NFIC: variants seen among roughly 807,000 people sequenced by gnomAD.
The protein encoded by NFIC is nuclear factor 1 C-type.
A neutral mutation model predicts 54.4 loss-of-function variants in NFIC; 12 were observed. The observed-to-expected ratio is 0.22, with a 90% CI of 0.14 to 0.36. NFIC has a LOEUF of 0.36. Ranked by LOEUF, NFIC falls within the 10% of genes least tolerant of loss-of-function variation. The probability of loss-of-function intolerance (pLI) is 1.00; values close to 1 mark genes in which losing one functional copy is unlikely to be tolerated. For synonymous variants in NFIC, 322 were observed against 319.2 expected (o/e 1.01, Z -0.09); for missense variants, 575 against 718.2 (o/e 0.80, Z 2.28).
chr19:3,387,580 G>T (rs1185489848), intron 2 of NFIC, among the ~76,000 whole-genome samples: 5 of 152,124 alleles, frequency 3.3e-5, no homozygotes, highest in Non-Finnish European at 5.9e-5. Flanking sequence ...AGGGGGGCTG[G>T]GGGCCACTCT....
intron 6 of NFIC, among the ~76,000 whole-genome samples, 169 bp from the exon 7 acceptor site, chr19:3,448,845 C>T (rs891946302): frequency 3.9e-5 from 6 of 152,170 alleles, no homozygotes; most frequent in Admixed American, 2.0e-4. Flanking sequence ...TCTGAGCCTT[C>T]GTTTACTCCT....
At chr19:3,421,580 C>G (rs1437035126) in intron 2 of NFIC, among the ~76,000 whole-genome samples, 1 of 152,238 alleles carries the variant, frequency 6.6e-6, no homozygotes, top group Non-Finnish European at 1.5e-5. Flanking sequence ...CTCGTCTGCT[C>G]CTCTGTTTCC....
chr19:3,382,277 G>A (rs1332907803), intron 2 of NFIC, 34 bp downstream of exon 2: 14 of 1,580,058 alleles, frequency 8.9e-6, no homozygotes, highest in East Asian at 2.2e-5. Flanking sequence ...AGCGGCCAGC[G>A]GGGAGGGTGT....
At chr19:3,449,759 C>CAAAA (rs57195995) in intron 7 of NFIC, among the ~76,000 whole-genome samples, 3 of 88,692 alleles carry the variant, frequency 3.4e-5, no homozygotes, top group African/African-American at 1.2e-4. Context: ...GATTCCATCT[C>CAAAA]AAAAAAAAAA....
At chr19:3,422,362 C>A (rs762891562) in intron 2 of NFIC, among the ~76,000 whole-genome samples, 6 of 151,770 alleles carry the variant, frequency 4.0e-5, no homozygotes, top group Non-Finnish European at 7.4e-5. Flanking sequence ...GCGTGAGCCA[C>A]TGTGCCACTG....
rs1411351844 is a variant in NFIC, at chr19:3,453,741, A to G, written c.1270-22A>G. On this transcript the variant is annotated intron_variant, in intron 8 of 10. Coordinates refer to ENST00000443272, the MANE Select transcript of NFIC (RefSeq NM_001245002.2). This position sits in a 1 kb window ranked among gnomAD's most constrained non-coding sequence, Gnocchi z 6.7. ...TAGAGGGGGAGCCCACCCCTTAACCACGTGTCTCTCTGTTCCCCCAGTTAA... is the reference window on the plus strand; with the variant it reads ...TAGAGGGGGAGCCCACCCCTTAACCGCGTGTCTCTCTGTTCCCCCAGTTAA... 2.5e-6 allele frequency: 4 copies of G among 1,593,428 alleles called. No individual in the cohort carries two copies. Among genetic ancestry groups the G allele is most frequent in the Non-Finnish European group, 3.4e-6 (4 of 1,171,950 alleles).
At chr19:3,408,723 T>C (rs1202786614) in intron 2 of NFIC, among the ~76,000 whole-genome samples, 5 of 152,148 alleles carry the variant, frequency 3.3e-5, no homozygotes, top group Non-Finnish European at 5.9e-5. Flanking sequence ...TGCCTCAGCC[T>C]CCCGAGTAGC....
In NFIC at chr19:3,462,660, G is replaced by A. The variant is rs939405162; in HGVS notation, c.1510-92G>A. ...TGCAGGAGGTGGGGGGTGAGCGTGG[G>A]AAGAGGTAAACCATGTCTGCAGCAG... On this transcript the variant is annotated intron_variant, in intron 10 of 10. Coordinates refer to ENST00000443272, the MANE Select transcript of NFIC (RefSeq NM_001245002.2). The A allele has an allele frequency of 1.7e-5, 24 of 1,430,072 alleles. 1 individual carries two copies. The South Asian group carries it at 2.8e-4, about 16-fold the overall frequency. 88.6% of individuals were successfully genotyped at this position (1,430,072 alleles called of 1,614,324 possible). A position where few individuals can be genotyped will look rare whatever the true frequency, so the allele number is the denominator to read the frequency against.
At chr19:3,456,515 C>T (rs1158351224) in intron 9 of NFIC, 35 bp from the exon 10 acceptor site, 17 of 1,547,398 alleles carry the variant, frequency 1.1e-5, no homozygotes, top group South Asian at 1.2e-5. Context: ...CACAACCCCT[C>T]GCTAACGGGC....
intron 1 of NFIC, among the ~76,000 whole-genome samples, chr19:3,380,217 G>C (rs962283702): frequency 1.4e-5 from 2 of 147,748 alleles, no homozygotes; most frequent in African/African-American, 5.0e-5. Context: ...TGTTAGCCAG[G>C]ATGGTCTCAA....
Position 3,372,712 on chromosome 19 carries a change from T to C in NFIC, c.30+6046T>C, listed in dbSNP as rs12974538. Among the ~76,000 whole-genome samples, 49 of 126,336 alleles carry C rather than the reference T, an allele frequency of 3.9e-4. 6 individuals carry two copies. The highest frequency in any genetic ancestry group is 1.4e-3 in the African/African-American group (43 of 30,850). 82.9% of individuals were successfully genotyped at this position (126,336 alleles called of 152,430 possible). Reference sequence around the variant, plus strand: ...TTGCTCAAGGGGCCCAGGAGTGGGGTGGGGGGGTGCCAGGAGGCCCAGGGA... The same window carrying C: ...TTGCTCAAGGGGCCCAGGAGTGGGGCGGGGGGGTGCCAGGAGGCCCAGGGA... On this transcript the variant is annotated intron_variant, in intron 1 of 10. Coordinates refer to ENST00000443272, the MANE Select transcript of NFIC (RefSeq NM_001245002.2).
chr19:3,423,245 C>T (rs1410570506), intron 2 of NFIC, among the ~76,000 whole-genome samples: 4 of 151,858 alleles, frequency 2.6e-5, no homozygotes, highest in Admixed American at 6.6e-5. Flanking sequence ...AATAATGGGG[C>T]GGACTCTCGT....
intron 2 of NFIC, among the ~76,000 whole-genome samples, chr19:3,416,886 C>CTT (rs371348767): frequency 7.6e-6 from 1 of 131,982 alleles, no homozygotes; most frequent in Non-Finnish European, 1.6e-5. Flanking sequence ...AATCCCAGTG[C>CTT]TTTTTTTTTT....
In NFIC at chr19:3,433,552, C is replaced by T. The variant is rs111422145; in HGVS notation, c.669C>T (p.Ser223=). The part of the protein sequence containing the change: ...TTDFQESFVT[S]GVFSVTELIQ... ...ACTTCCAGGAGAGCTTTGTCACCTCCGGCGTGTTCAGCGTCACTGAGCTCA... is the reference window on the plus strand; with the variant it reads ...ACTTCCAGGAGAGCTTTGTCACCTCTGGCGTGTTCAGCGTCACTGAGCTCA... Residue 223 remains serine (S), a synonymous_variant, in exon 4 of 11, where the codon TCC becomes TCT. Coordinates refer to ENST00000443272, the MANE Select transcript of NFIC (RefSeq NM_001245002.2). 58 of 1,613,988 alleles carry T rather than the reference C, an allele frequency of 3.6e-5. 1 individual carries two copies. Among genetic ancestry groups the T allele is most frequent in the African/African-American group, 3.3e-4 (25 of 75,032 alleles).
intron 2 of NFIC, among the ~76,000 whole-genome samples, chr19:3,424,744 A>G (rs2082001753): frequency 6.6e-6 from 1 of 152,244 alleles, no homozygotes; most frequent in Non-Finnish European, 1.5e-5. Context: ...GTCGCACAGC[A>G]AGAAAGCGGC....
At chr19:3,388,703 C>T (rs2081335360) in intron 2 of NFIC, among the ~76,000 whole-genome samples, 1 of 152,068 alleles carries the variant, frequency 6.6e-6, no homozygotes, top group Non-Finnish European at 1.5e-5. Context: ...TGGTGTGTAC[C>T]TGTAGTCCCA....
At chr19:3,365,414 C>T (rs2080867051), upstream of NFIC, among the ~76,000 whole-genome samples, 1 of 152,198 alleles carries the variant, frequency 6.6e-6, no homozygotes, top group South Asian at 2.1e-4. Flanking sequence ...TAGGGGAGAA[C>T]CCTTGGGATG....
intron 2 of NFIC, among the ~76,000 whole-genome samples, chr19:3,390,630 A>G (rs1298791970): frequency 6.6e-6 from 1 of 152,212 alleles, no homozygotes; most frequent in African/African-American, 2.4e-5. Context: ...TTAGTGCATG[A>G]AAAGCATGAG....
intron 2 of NFIC, among the ~76,000 whole-genome samples, chr19:3,409,884 G>A (rs945354406): frequency 6.6e-5 from 10 of 152,212 alleles, no homozygotes; most frequent in Non-Finnish European, 1.5e-5. Context: ...AAGAGACCTG[G>A]CTCCCGGCCA....
Sources: allele counts gnomAD v4.1 joint callset (sites outside exome capture counted in the v4.1 genomes callset), GRCh38; gene constraint gnomAD v4.1.1; non-coding constraint Gnocchi (gnomAD v3.1); transcripts MANE v1.5; gene names NCBI Gene and HGNC (gene_info 2026-07-23, HGNC 2026-07-21).